PLSCR2: variants seen among roughly 807,000 people sequenced by gnomAD.
PLSCR2 encodes the protein PL scramblase 2.
A neutral mutation model predicts 25.3 loss-of-function variants in PLSCR2; 18 were observed. That is an observed-to-expected ratio of 0.71 (90% CI 0.49 to 1.06). The LOEUF (loss-of-function observed/expected upper bound fraction) is 1.06, where lower values mean the gene tolerates loss of function less well. Among genes scored for constraint, PLSCR2 ranks in the 50% least tolerant of loss-of-function variants. The pLI is 0.00. For missense variants in PLSCR2, 243 were observed against 269.5 expected, an observed-to-expected ratio of 0.90 and a Z score of 0.69; for synonymous variants, 88 against 87.3, an observed-to-expected ratio of 1.01 and a Z score of -0.04.
intron 2 of PLSCR2, among the ~76,000 whole-genome samples, chr3:146,415,459 G>A (rs138523224): frequency 5.9e-5 from 9 of 151,914 alleles, no homozygotes; most frequent in South Asian, 2.1e-4. Context: ...AAAATTTAAA[G>A]TACATATTAT....
At chr3:146,483,416 GAACTTA>G (rs1456986651) in intron 1 of PLSCR2, among the ~76,000 whole-genome samples, 1 of 107,106 alleles carries the variant, frequency 9.3e-6, no homozygotes, top group African/African-American at 3.9e-5. Context: ...ATGTACCCTA[GAACTTA>G]AACTTAATAT....
chr3:146,410,255 A>C (rs982380111), intron 2 of PLSCR2, among the ~76,000 whole-genome samples: 4 of 152,146 alleles, frequency 2.6e-5, no homozygotes, highest in African/African-American at 9.7e-5. Flanking sequence ...GGAGGAACAG[A>C]GTAGGAATCT....
chr3:146,471,451 T>C (rs2042116663), intron 1 of PLSCR2, among the ~76,000 whole-genome samples: 1 of 152,200 alleles, frequency 6.6e-6, no homozygotes, highest in Non-Finnish European at 1.5e-5. Flanking sequence ...TATTCTGTGA[T>C]TTGTCTGAAA....
intron 1 of PLSCR2, among the ~76,000 whole-genome samples, chr3:146,466,334 G>A (rs564228053): frequency 6.6e-6 from 1 of 152,222 alleles, no homozygotes; most frequent in South Asian, 2.1e-4. Context: ...CCACACCTGG[G>A]TAATTTTTGT....
chr3:146,441,672 TTAAA>T (rs2040252497), downstream of PLSCR2: 6 of 675,522 alleles, frequency 8.9e-6, no homozygotes, highest in Admixed American at 1.9e-4. Flanking sequence ...TGTAAGTAAT[TTAAA>T]TAAAGAAAAG....
chr3:146,486,748 A>G (rs1333832242), intron 1 of PLSCR2, among the ~76,000 whole-genome samples: 1 of 152,106 alleles, frequency 6.6e-6, no homozygotes, highest in Non-Finnish European at 1.5e-5. Context: ...ACAAAGAGGG[A>G]CTGGTACCAT....
chr3:146,454,704 T>A (rs569814440), intron 4 of PLSCR2, among the ~76,000 whole-genome samples: 17 of 152,164 alleles, frequency 1.1e-4, no homozygotes, highest in Non-Finnish European at 2.2e-4. Context: ...TCTACAGATA[T>A]CCATTTAGGA....
intron 3 of PLSCR2, 119 bp from the exon 4 acceptor site, chr3:146,455,578 T>C (rs1455109077): frequency 3.0e-6 from 2 of 659,926 alleles, no homozygotes; most frequent in East Asian, 5.4e-5. Flanking sequence ...CAAAAAGGAA[T>C]GGTATTTAGA....
chr3:146,400,018 T>C (rs2038410864), intron 2 of PLSCR2, among the ~76,000 whole-genome samples: 1 of 151,492 alleles, frequency 6.6e-6, no homozygotes, highest in African/African-American at 2.4e-5. Context: ...CAAAATTAGA[T>C]GGCAAAATTA....
chr3:146,443,230 T>A (rs559221593), intron 6 of PLSCR2, among the ~76,000 whole-genome samples: 1 of 150,554 alleles, frequency 6.6e-6, no homozygotes, highest in Admixed American at 6.6e-5. Flanking sequence ...TGTAGTTTTC[T>A]TTTTTAAATA....
At chr3:146,478,016 C>A (rs2042982209) in intron 1 of PLSCR2, among the ~76,000 whole-genome samples, 1 of 152,162 alleles carries the variant, frequency 6.6e-6, no homozygotes, top group South Asian at 2.1e-4. Context: ...AGCTGAGGGA[C>A]CTGACTGTTA....
At chr3:146,428,207 T>G (rs115073170) in intron 2 of PLSCR2, among the ~76,000 whole-genome samples, 8 of 152,336 alleles carry the variant, frequency 5.3e-5, no homozygotes, top group Non-Finnish European at 1.0e-4. Flanking sequence ...ATCTCTGAAT[T>G]ACTACTGTCT....
At chr3:146,411,161 G>C (rs1484960349) in intron 2 of PLSCR2, among the ~76,000 whole-genome samples, 1 of 152,046 alleles carries the variant, frequency 6.6e-6, no homozygotes, top group African/African-American at 2.4e-5. Flanking sequence ...AAGAGAGAGA[G>C]ACCAGTCTGC....
chr3:146,394,276 T>C (rs1478451638), intron 3 of PLSCR2, among the ~76,000 whole-genome samples: 2 of 151,324 alleles, frequency 1.3e-5, no homozygotes, highest in African/African-American at 4.9e-5. Context: ...TTTTCTTTTC[T>C]TTTTTTTTGA....
chr3:146,407,950 C>T (rs193295872), intron 2 of PLSCR2, among the ~76,000 whole-genome samples: 23 of 152,244 alleles, frequency 1.5e-4, no homozygotes, highest in African/African-American at 5.3e-4. Flanking sequence ...CAGTTCTTGA[C>T]AGTCATGGAT....
At chr3:146,430,031 C>G (rs551039055), downstream of PLSCR2, among the ~76,000 whole-genome samples, 5 of 152,186 alleles carry the variant, frequency 3.3e-5, no homozygotes, top group Non-Finnish European at 7.4e-5. Context: ...TTTCCCCCCA[C>G]TAAATTCCGC....
At chr3:146,420,820 G>A (rs1221014085) in intron 2 of PLSCR2, among the ~76,000 whole-genome samples, 1 of 151,978 alleles carries the variant, frequency 6.6e-6, no homozygotes, top group African/African-American at 2.4e-5. Context: ...CCAATTATAG[G>A]TTTGTTAATT....
At chr3:146,490,076 T>C (rs530208467) in intron 1 of PLSCR2, among the ~76,000 whole-genome samples, 2 of 152,204 alleles carry the variant, frequency 1.3e-5, no homozygotes, top group South Asian at 2.1e-4. Flanking sequence ...ATGTTGATAA[T>C]AATTTTGAGA....
chr3:146,473,398 C>T (rs370232559), intron 1 of PLSCR2, among the ~76,000 whole-genome samples: 2 of 151,536 alleles, frequency 1.3e-5, no homozygotes, highest in South Asian at 2.1e-4. Flanking sequence ...ACCTCCACCT[C>T]CCAGGATCAA....
Sources: allele counts gnomAD v4.1 joint callset (sites outside exome capture counted in the v4.1 genomes callset), GRCh38; gene constraint gnomAD v4.1.1; transcripts MANE v1.5; gene names NCBI Gene and HGNC (gene_info 2026-07-23, HGNC 2026-07-21).